The following TAFA1 variants were observed in gnomAD, a reference collection of about 807,000 sequenced individuals.
TAFA1 encodes chemokine-like protein TAFA-1.
A neutral mutation model predicts 18.5 loss-of-function variants in TAFA1; 4 were observed. The observed-to-expected ratio is 0.22, with a 90% CI of 0.11 to 0.49. The LOEUF (loss-of-function observed/expected upper bound fraction) is 0.49. Among genes scored for constraint, TAFA1 ranks in the 20% least tolerant of loss-of-function variants. TAFA1 has a pLI of 0.98. For missense variants in TAFA1, 147 were observed against 169.0 expected, an observed-to-expected ratio of 0.87 and a Z score of 0.72; for synonymous variants, 56 against 55.2, an observed-to-expected ratio of 1.01 and a Z score of -0.06.
At chr3:68,297,002 A>G (rs1212452105) in intron 2 of TAFA1, among the ~76,000 whole-genome samples, 1 of 152,108 alleles carries the variant, frequency 6.6e-6, no homozygotes, top group Non-Finnish European at 1.5e-5. Context: ...AGCCCATAGG[A>G]GAGAAGAAGG....
chr3:68,035,040 G>A (rs1463649832), intron 2 of TAFA1, among the ~76,000 whole-genome samples: 1 of 152,070 alleles, frequency 6.6e-6, no homozygotes, highest in African/African-American at 2.4e-5. Flanking sequence ...TCATCCAGTG[G>A]ACTTTTATAT....
intron 2 of TAFA1, among the ~76,000 whole-genome samples, chr3:68,308,567 C>A (rs2068460428): frequency 6.6e-6 from 1 of 152,108 alleles, no homozygotes. Flanking sequence ...AAAAAGGCTT[C>A]TTATTTACTA....
At chr3:68,261,812 T>A (rs2067428770) in intron 2 of TAFA1, among the ~76,000 whole-genome samples, 1 of 151,960 alleles carries the variant, frequency 6.6e-6, no homozygotes, top group Non-Finnish European at 1.5e-5. Flanking sequence ...ATATACTTAA[T>A]GCTAAATGAC....
intron 2 of TAFA1, among the ~76,000 whole-genome samples, chr3:68,380,744 C>A (rs2069930582): frequency 6.6e-6 from 1 of 151,940 alleles, no homozygotes; most frequent in Admixed American, 6.6e-5. Flanking sequence ...ACAGTAGTTT[C>A]TTTTGCTGTG....
intron 2 of TAFA1, among the ~76,000 whole-genome samples, chr3:68,278,052 A>T (rs1458821777): frequency 6.6e-6 from 1 of 152,272 alleles, no homozygotes; most frequent in East Asian, 1.9e-4. Context: ...TTTTCTGTAG[A>T]TAGGCTAGAA....
chr3:68,077,971 C>T (rs2106765897), intron 2 of TAFA1, among the ~76,000 whole-genome samples: 1 of 152,188 alleles, frequency 6.6e-6, no homozygotes, highest in East Asian at 1.9e-4. Context: ...TTGTTTGTAT[C>T]CTCTTTTATT....
chr3:67,999,254 C>G (rs1012096825), upstream of TAFA1, among the ~76,000 whole-genome samples: 1 of 43,708 alleles, frequency 2.3e-5, no homozygotes, highest in African/African-American at 6.6e-5. Flanking sequence ...CTCTCTCTCT[C>G]TCATTCTCTC....
intron 3 of TAFA1, among the ~76,000 whole-genome samples, chr3:68,452,578 A>G (rs9836361): frequency 0.015 from 2,227 of 151,598 alleles, 70 homozygotes; most frequent in African/African-American, 0.05. Flanking sequence ...CATGTCTACT[A>G]CTATGCTTAC....
At chr3:68,370,506 A>ATATG (rs2069682381) in intron 2 of TAFA1, among the ~76,000 whole-genome samples, 1 of 75,106 alleles carries the variant, frequency 1.3e-5, no homozygotes, top group East Asian at 6.3e-4. Context: ...ATATATATAT[A>ATATG]TATATATATA....
chr3:68,040,651 CA>C (rs1705144281), intron 2 of TAFA1, among the ~76,000 whole-genome samples: 1 of 152,162 alleles, frequency 6.6e-6, no homozygotes, highest in Non-Finnish European at 1.5e-5. Flanking sequence ...GCATCAACAT[CA>C]CCTGAAACCT....
chr3:68,201,523 A>C (rs1370756080), intron 2 of TAFA1, among the ~76,000 whole-genome samples: 1 of 151,668 alleles, frequency 6.6e-6, no homozygotes, highest in African/African-American at 2.4e-5. Flanking sequence ...TTCTCTTTGC[A>C]GTTCTGTCAG....
At chr3:68,427,234 T>C (rs902461592) in intron 3 of TAFA1, among the ~76,000 whole-genome samples, 2 of 151,914 alleles carry the variant, frequency 1.3e-5, no homozygotes, top group African/African-American at 4.8e-5. Flanking sequence ...ACTGGTCTTC[T>C]CTGATATGAT....
intron 2 of TAFA1, among the ~76,000 whole-genome samples, chr3:68,157,325 G>T (rs1046760251): frequency 6.6e-6 from 1 of 152,072 alleles, no homozygotes; most frequent in East Asian, 1.9e-4. Flanking sequence ...GCAGAACATT[G>T]CCAAGAGATA....
At chr3:68,123,472 T>C (rs752099407) in intron 2 of TAFA1, among the ~76,000 whole-genome samples, 1 of 152,132 alleles carries the variant, frequency 6.6e-6, no homozygotes, top group Non-Finnish European at 1.5e-5. Flanking sequence ...TGAGATAACA[T>C]AGAACTTTCC....
At chr3:68,303,606 G>T (rs558541281) in intron 2 of TAFA1, among the ~76,000 whole-genome samples, 4 of 151,812 alleles carry the variant, frequency 2.6e-5, no homozygotes, top group Non-Finnish European at 5.9e-5. Flanking sequence ...CCACCACCAC[G>T]TCCAGCTAAT....
chr3:68,326,025 T>C (rs2068772327), intron 2 of TAFA1, among the ~76,000 whole-genome samples: 1 of 152,216 alleles, frequency 6.6e-6, no homozygotes, highest in South Asian at 2.1e-4. Flanking sequence ...TAGCTATTTA[T>C]AAATAAACTT....
chr3:68,286,507 C>T (rs1221990985), intron 2 of TAFA1, among the ~76,000 whole-genome samples: 2 of 152,090 alleles, frequency 1.3e-5, no homozygotes, highest in African/African-American at 2.4e-5. Flanking sequence ...AGACCCTCAA[C>T]ACTCAGAGAG....
intron 2 of TAFA1, among the ~76,000 whole-genome samples, chr3:68,102,342 A>T (rs2065157651): frequency 6.6e-6 from 1 of 152,164 alleles, no homozygotes; most frequent in Non-Finnish European, 1.5e-5. Context: ...TTTTACTACC[A>T]TTTAATTATC....
intron 2 of TAFA1, among the ~76,000 whole-genome samples, chr3:68,402,382 A>G (rs1180350215): frequency 1.3e-5 from 2 of 152,166 alleles, no homozygotes; most frequent in Non-Finnish European, 2.9e-5. Flanking sequence ...TTCTGATCAC[A>G]TCCGTGCAGC....
Sources: gnomAD v4.1 joint callset for allele counts (sites outside exome capture counted in the v4.1 genomes callset) on GRCh38, gnomAD v4.1.1 for gene constraint, MANE v1.5 for transcripts, NCBI Gene and HGNC (gene_info 2026-07-23, HGNC 2026-07-21) for gene names.